The following PNOC variants were observed in gnomAD, a reference collection of about 807,000 sequenced individuals.
The protein encoded by PNOC is prepronociceptin.
Under a neutral mutation model 15.6 loss-of-function variants are expected in PNOC, and 10 were observed. The ratio of observed to expected loss-of-function variants is 0.64; its 90% CI spans 0.40 to 1.09. The LOEUF (loss-of-function observed/expected upper bound fraction) is 1.09. PNOC is among the 50% of genes least tolerant of loss of function. PNOC has a pLI of 0.01. For synonymous variants in PNOC, 98 were observed against 88.5 expected, an observed-to-expected ratio of 1.11 and a Z score of -0.60; for missense variants, 220 against 223.9, an observed-to-expected ratio of 0.98 and a Z score of 0.11.
At chr8:28,323,604 C>T (rs1801180537) in intron 1 of PNOC, among the ~76,000 whole-genome samples, 1 of 152,242 alleles carries the variant, frequency 6.6e-6, no homozygotes, top group African/African-American at 2.4e-5. Context: ...CATCTCAGGA[C>T]TTGTCTGCAG....
At chr8:28,333,642 C>A (rs191939802) in intron 2 of PNOC, among the ~76,000 whole-genome samples, 1 of 152,206 alleles carries the variant, frequency 6.6e-6, no homozygotes, top group African/African-American at 2.4e-5. Context: ...ACTGTGGCAT[C>A]TGGTTTGATC....
chr8:28,325,221 A>C (rs1359071714), intron 1 of PNOC, among the ~76,000 whole-genome samples: 2 of 152,160 alleles, frequency 1.3e-5, no homozygotes, highest in Admixed American at 6.5e-5. Context: ...TCCAGATGCC[A>C]GGGCAGCAGA....
In PNOC at chr8:28,340,699, G is replaced by A. The variant is rs148134762; in HGVS notation, c.*47+1208G>A. 1.6e-3 allele frequency among the ~76,000 whole-genome samples: 250 copies of A among 152,322 alleles called. 2 individuals carry two copies. The highest frequency in any genetic ancestry group is 3.4e-3 in the Middle Eastern group (1 of 294). ...AGTCTATACAAGAAGCATGGCACCC[G>A]CATCTGCTTCTGGTGAGGCCCTCGG... On this transcript the variant is annotated intron_variant, in intron 3 of 3. Transcript: ENST00000301908.
At position 28,328,809 on chromosome 8, in the gene PNOC, A is replaced by G. The variant is rs2129868348; in HGVS notation, c.-23-326A>G. Among the ~76,000 whole-genome samples, 2 of 152,184 alleles carry G rather than the reference A, an allele frequency of 1.3e-5. 1 individual carries two copies. ...AGCTCCCAAGAAAGCTATCTCTGCCACCACACAGCTGCTCCCAAAAGTGCC... is the reference window on the plus strand; with the variant it reads ...AGCTCCCAAGAAAGCTATCTCTGCCGCCACACAGCTGCTCCCAAAAGTGCC... On this transcript the variant is annotated intron_variant, in intron 1 of 3. Transcript: ENST00000301908.
intron 1 of PNOC, among the ~76,000 whole-genome samples, chr8:28,328,001 T>G (rs1185828709): frequency 6.6e-6 from 1 of 151,452 alleles, no homozygotes; most frequent in Non-Finnish European, 1.5e-5. Context: ...CTAATCCCAT[T>G]CATAAGGGCT....
intron 3 of PNOC, among the ~76,000 whole-genome samples, chr8:28,340,957 A>T (rs753609667): frequency 2.0e-5 from 3 of 152,256 alleles, no homozygotes; most frequent in African/African-American, 4.8e-5. Flanking sequence ...AAATTGGAAG[A>T]GGACAAACTT....
At chr8:28,335,174 G>A (rs1801391873) in intron 2 of PNOC, among the ~76,000 whole-genome samples, 1 of 152,196 alleles carries the variant, frequency 6.6e-6, no homozygotes, top group African/African-American at 2.4e-5. Flanking sequence ...GTGGAACATA[G>A]GCAATACTCC....
chr8:28,327,106 A>G (rs1217398565), intron 1 of PNOC, among the ~76,000 whole-genome samples: 1 of 152,228 alleles, frequency 6.6e-6, no homozygotes, highest in Non-Finnish European at 1.5e-5. Context: ...TAAATGTACA[A>G]CTCAATGGGT....
In PNOC at chr8:28,339,161, C is replaced by T. The variant is rs1361273578; in HGVS notation, c.248C>T (p.Ala83Val). Residue 83 changes from alanine to valine, a missense_variant, in exon 3 of 4, where the codon GCT (alanine) becomes GTT (valine). By Grantham distance (64) the Ala-to-Val change is moderately conservative (BLOSUM62 0). Coordinates refer to ENST00000301908, the MANE Select transcript of PNOC (RefSeq NM_006228.5). Reference protein sequence around the residue: ...SPAAPEHVAAALYQPRASEMQ... With the variant: ...SPAAPEHVAAVLYQPRASEMQ... ...GCCGCCCCAGAGCATGTGGCGGCTG[C>T]TCTCTACCAGCCGAGAGCTTCGGAG... 3 of 1,613,694 alleles carry T rather than the reference C, an allele frequency of 1.9e-6. No individual in the cohort carries two copies. In the South Asian group the frequency reaches 3.3e-5, roughly 18 times the overall value.
intron 1 of PNOC, among the ~76,000 whole-genome samples, chr8:28,321,007 G>A (rs972338577): frequency 2.6e-5 from 4 of 151,930 alleles, no homozygotes; most frequent in African/African-American, 4.8e-5. Context: ...TGAGTTGGAG[G>A]TCTTGCTATA....
chr8:28,335,320 A>G (rs1801394154), intron 2 of PNOC, among the ~76,000 whole-genome samples: 1 of 152,250 alleles, frequency 6.6e-6, no homozygotes, highest in Non-Finnish European at 1.5e-5. Flanking sequence ...GTTCTTGTTC[A>G]GGTTATACTG....
At chr8:28,330,830 C>A (rs1296802111) in intron 2 of PNOC, among the ~76,000 whole-genome samples, 2 of 152,138 alleles carry the variant, frequency 1.3e-5, no homozygotes, top group Non-Finnish European at 2.9e-5. Flanking sequence ...ATTAAATAAA[C>A]TGCTTTGTCA....
intron 1 of PNOC, among the ~76,000 whole-genome samples, chr8:28,327,908 G>A (rs556180722): frequency 7.2e-5 from 11 of 152,062 alleles, no homozygotes; most frequent in African/African-American, 2.7e-4. Flanking sequence ...GTCTATTCCT[G>A]GCTCTTAGAT....
chr8:28,339,075 C>G lies in PNOC; in HGVS notation c.162C>G (p.Pro54=). The change falls in exon 3 of 4, where the codon CCC becomes CCG. Residue 54 remains proline, a synonymous_variant. Coordinates refer to ENST00000301908, the MANE Select transcript of PNOC (RefSeq NM_006228.5). ...TCGAGTGTGAAGAGAAGGTCTTCCC[C>G]AGCCCCCTCTGGACTCCATGCACCA... ...CILECEEKVF[P]SPLWTPCTKV... 6.3e-7 allele frequency: 1 copy of G among 1,593,330 alleles called. No homozygotes were observed. The highest frequency in any genetic ancestry group is 8.6e-7 in the Non-Finnish European group (1 of 1,162,714).
intron 2 of PNOC, among the ~76,000 whole-genome samples, chr8:28,336,817 G>A (rs564886025): frequency 6.6e-6 from 1 of 152,094 alleles, no homozygotes; most frequent in African/African-American, 2.4e-5. Flanking sequence ...TTAGGCGGTG[G>A]TAGAGGGAGT....
rs1373544365 is a variant in PNOC, at chr8:28,330,394, T to TA, written c.126+1111_126+1112insA. ...TTATTTTATTTTATTTTATTTTATT[T>TA]TATTTTTTTTTTTTTTTTGAGACGG... On this transcript the variant is annotated intron_variant, in intron 2 of 3. Transcript: ENST00000301908. Among the ~76,000 whole-genome samples the TA allele has an allele frequency of 5.2e-3, 496 of 95,840 alleles. 6 individuals are homozygous for TA. The highest frequency in any genetic ancestry group is 0.015 in the African/African-American group (439 of 28,390). 62.9% of individuals were successfully genotyped at this position (95,840 alleles called of 152,430 possible). A position where few individuals can be genotyped will look rare whatever the true frequency, so the allele number is the denominator to read the frequency against.
chr8:28,342,566 C>T (rs1031803318), intron 3 of PNOC, among the ~76,000 whole-genome samples: 17 of 152,128 alleles, frequency 1.1e-4, no homozygotes, highest in African/African-American at 3.9e-4. Context: ...TGAGCACATT[C>T]ATTCGTGGTC....
chr8:28,335,704 T>C (rs550726303), intron 2 of PNOC, among the ~76,000 whole-genome samples: 1 of 152,282 alleles, frequency 6.6e-6, no homozygotes, highest in South Asian at 2.1e-4. Flanking sequence ...ATTTTTTGTA[T>C]TTTAAGTAGA....
intron 3 of PNOC, among the ~76,000 whole-genome samples, chr8:28,341,213 T>C (rs1465281992): frequency 6.6e-6 from 1 of 152,212 alleles, no homozygotes; most frequent in Non-Finnish European, 1.5e-5. Context: ...CCTTTGCAGG[T>C]AGGCCAACAT....
Sources: gnomAD v4.1 joint callset for allele counts (sites outside exome capture counted in the v4.1 genomes callset) on GRCh38, gnomAD v4.1.1 for gene constraint, MANE v1.5 for transcripts, NCBI Gene and HGNC (gene_info 2026-07-23, HGNC 2026-07-21) for gene names.